PABPC4L: variants seen among roughly 807,000 people sequenced by gnomAD.
The protein encoded by PABPC4L is poly(A) binding protein cytoplasmic 4 like.
For synonymous variants in PABPC4L, 169 were observed against 164.1 expected, an observed-to-expected ratio of 1.03 and a Z score of -0.23; for missense variants, 452 against 451.4, an observed-to-expected ratio of 1.00 and a Z score of -0.01.
At chr4:133,956,095 G>A in the PABPC4L span, among the ~76,000 whole-genome samples, 1 of 151,392 alleles carries the variant, frequency 6.6e-6, no homozygotes. Context: ...CAAATCATAA[G>A]GGTTTTTCTC....
chr4:134,147,587 AAAAG>A, the PABPC4L span, among the ~76,000 whole-genome samples: 2 of 152,234 alleles, frequency 1.3e-5, no homozygotes, highest in African/African-American at 4.8e-5. Flanking sequence ...TTCATGAACT[AAAAG>A]AAAGACAAGT....
the PABPC4L span, among the ~76,000 whole-genome samples, chr4:134,154,005 C>T: frequency 6.6e-6 from 1 of 151,694 alleles, no homozygotes; most frequent in African/African-American, 2.4e-5. Flanking sequence ...TGAATCCTGT[C>T]TTGTCTTTAT....
At chr4:134,112,120 A>G in the PABPC4L span, among the ~76,000 whole-genome samples, 571 of 152,142 alleles carry the variant, frequency 3.8e-3, 2 homozygotes, top group African/African-American at 0.013. Context: ...GTCATTAGTG[A>G]AGAAGAAAGA....
At chr4:134,066,512 C>G in the PABPC4L span, among the ~76,000 whole-genome samples, 5 of 152,042 alleles carry the variant, frequency 3.3e-5, no homozygotes, top group South Asian at 4.1e-4. Context: ...TTCCTCTCTC[C>G]CTATTTGGAT....
chr4:133,963,457 AC>A, the PABPC4L span, among the ~76,000 whole-genome samples: 1 of 152,286 alleles, frequency 6.6e-6, no homozygotes, highest in East Asian at 1.9e-4. Context: ...CAATAAAGAA[AC>A]AATGGATTTA....
At chr4:134,072,689 A>G in the PABPC4L span, among the ~76,000 whole-genome samples, 1 of 152,108 alleles carries the variant, frequency 6.6e-6, no homozygotes, top group Non-Finnish European at 1.5e-5. Context: ...AATACCCAAG[A>G]CTGGGTAATT....
At chr4:134,175,359 T>A in the PABPC4L span, among the ~76,000 whole-genome samples, 1 of 152,094 alleles carries the variant, frequency 6.6e-6, no homozygotes, top group Non-Finnish European at 1.5e-5. Flanking sequence ...TGTTTTGGTT[T>A]GTTTTATTAT....
the PABPC4L span, among the ~76,000 whole-genome samples, chr4:134,037,498 T>G: frequency 6.6e-6 from 1 of 152,160 alleles, no homozygotes; most frequent in African/African-American, 2.4e-5. Flanking sequence ...ACTATCATGT[T>G]AATACTTCAA....
At chr4:133,986,901 A>G in the PABPC4L span, among the ~76,000 whole-genome samples, 1 of 151,910 alleles carries the variant, frequency 6.6e-6, no homozygotes, top group Admixed American at 6.6e-5. Context: ...ATGCCCTGCT[A>G]ATTTTTGCAT....
At chr4:134,049,264 T>C in the PABPC4L span, among the ~76,000 whole-genome samples, 1 of 152,070 alleles carries the variant, frequency 6.6e-6, no homozygotes, top group African/African-American at 2.4e-5. Context: ...TATAAAGTAT[T>C]CAAAAAACTC....
the PABPC4L span, among the ~76,000 whole-genome samples, chr4:133,964,940 T>C: frequency 6.6e-6 from 1 of 152,108 alleles, no homozygotes; most frequent in Non-Finnish European, 1.5e-5. Flanking sequence ...CCACTTCTAT[T>C]CAACTTAGTA....
the PABPC4L span, among the ~76,000 whole-genome samples, chr4:134,154,898 A>G: frequency 6.6e-6 from 1 of 152,106 alleles, no homozygotes; most frequent in Non-Finnish European, 1.5e-5. Context: ...TACATTCATG[A>G]TATTAATTTT....
At chr4:134,061,762 G>A in the PABPC4L span, among the ~76,000 whole-genome samples, 1 of 151,006 alleles carries the variant, frequency 6.6e-6, no homozygotes, top group Admixed American at 6.6e-5. Flanking sequence ...AAAACAAGAA[G>A]TGAAGCATAA....
the PABPC4L span, among the ~76,000 whole-genome samples, chr4:134,145,458 C>A: frequency 1.3e-5 from 2 of 151,898 alleles, no homozygotes; most frequent in East Asian, 3.9e-4. Context: ...TTCCCACACA[C>A]AGACAAATCT....
At chr4:134,187,502 T>C in the PABPC4L span, among the ~76,000 whole-genome samples, 1 of 119,298 alleles carries the variant, frequency 8.4e-6, no homozygotes, top group Non-Finnish European at 1.6e-5. Context: ...ATGAGAACAC[T>C]TGGACACAGG....
chr4:134,055,125 A>G, the PABPC4L span, among the ~76,000 whole-genome samples: 1 of 152,020 alleles, frequency 6.6e-6, no homozygotes, highest in African/African-American at 2.4e-5. Flanking sequence ...ATATGCTGAT[A>G]TGGATTGAAT....
At chr4:134,164,534 C>CA in the PABPC4L span, among the ~76,000 whole-genome samples, 2 of 151,696 alleles carry the variant, frequency 1.3e-5, no homozygotes, top group Non-Finnish European at 2.9e-5. Flanking sequence ...ACAATAGCTG[C>CA]AAAAAAATTG....
At chr4:134,075,452 C>CA in the PABPC4L span, among the ~76,000 whole-genome samples, 1 of 152,150 alleles carries the variant, frequency 6.6e-6, no homozygotes, top group Non-Finnish European at 1.5e-5. Context: ...TCAGAAGCTT[C>CA]AACTGGAGTG....
At chr4:133,997,336 A>G in the PABPC4L span, among the ~76,000 whole-genome samples, 1 of 152,132 alleles carries the variant, frequency 6.6e-6, no homozygotes, top group Non-Finnish European at 1.5e-5. Flanking sequence ...TACAAAGGGA[A>G]AGGTTTTTTT....
Sources: allele counts gnomAD v4.1 joint callset (sites outside exome capture counted in the v4.1 genomes callset), GRCh38; gene constraint gnomAD v4.1.1; transcripts MANE v1.5; gene names NCBI Gene and HGNC (gene_info 2026-07-23, HGNC 2026-07-21).